Variants in ENTPD6 observed in about 807,000 individuals in gnomAD.
ENTPD6 encodes ectonucleoside triphosphate diphosphohydrolase 6.
Under a neutral mutation model 61.5 loss-of-function variants are expected in ENTPD6, and 46 were observed. The ratio of observed to expected loss-of-function variants is 0.75; its 90% CI spans 0.59 to 0.96. The LOEUF (loss-of-function observed/expected upper bound fraction) is 0.96, where lower values mean the gene tolerates loss of function less well. Among genes scored for constraint, ENTPD6 ranks in the 40% least tolerant of loss-of-function variants. ENTPD6 has a pLI of 0.00. For synonymous variants in ENTPD6, 252 were observed against 255.5 expected (o/e 0.99, Z 0.13); for missense variants, 612 against 629.0 (o/e 0.97, Z 0.29).
At chr20:25,217,709 CCT>C in intron 9 of ENTPD6, 128 bp downstream of exon 9, 2 of 759,932 alleles carry the variant, frequency 2.6e-6, no homozygotes, top group Non-Finnish European at 4.5e-6. Context: ...TCCACCCAGA[CCT>C]CTCTCTCCTC....
In ENTPD6 at chr20:25,199,167, G is replaced by A. The variant is rs534340339; in HGVS notation, c.-16+3300G>A. On this transcript the variant is annotated intron_variant, in intron 1 of 14. Coordinates refer to ENST00000376652, the MANE Select transcript of ENTPD6 (RefSeq NM_001247.5). ...GCTGGTCCCTACTCCTGGAGTAGGC[G>A]TCATCTAACCAGAGCCAGAGGGGCC... Among the ~76,000 whole-genome samples, 28 of 152,248 alleles carry A rather than the reference G, an allele frequency of 1.8e-4. No individual in the cohort carries two copies. The East Asian group carries it at 4.2e-3, about 23-fold the overall frequency.
Position 25,216,698 on chromosome 20 carries a change from G to T in ENTPD6, c.760G>T (p.Gly254Ter). 6.2e-7 allele frequency: 1 copy of T among 1,607,550 alleles called. No individual in the cohort carries two copies. The highest frequency in any genetic ancestry group is 8.5e-7 in the Non-Finnish European group (1 of 1,177,532). Reference protein sequence around the residue: ...GSSVGMLDLGGGSTQIAFLPR... With the variant: ...GSSVGMLDLG ...CAGCGTGGGCATGCTGGACTTGGGC[G>T]GAGGATCCACTCAGATCGCCTTCCT... The change falls in exon 8 of 15, where the codon GGA (glycine) becomes TGA (stop). Residue 254 changes from glycine (G) to a stop codon, truncating the protein, a stop_gained. Transcript: ENST00000376652. LOFTEE classifies it high-confidence loss of function.
chr20:25,213,369 T>C lies in ENTPD6; in HGVS notation c.560T>C (p.Leu187Pro), dbSNP rs2092108869. 1 of 1,613,576 alleles carries C rather than the reference T, an allele frequency of 6.2e-7. No individual in the cohort carries two copies. Among genetic ancestry groups the C allele is most frequent in the Non-Finnish European group, 8.5e-7 (1 of 1,179,732 alleles). Residue 187 changes from leucine (L) to proline (P), a missense_variant, in exon 5 of 15, where the codon CTG (leucine) becomes CCG (proline). Leu to Pro is a moderately conservative substitution (Grantham distance 98). Transcript: ENST00000376652. ...LVLKATAGLRLLPGEKAQKLL... is the reference protein window; with the variant it reads ...LVLKATAGLRPLPGEKAQKLL... ...CTCAAGGCCACAGCTGGCTTACGCC[T>C]GTTACCTGGAGAAAAGGCCCAGAAG... is the stretch of plus-strand genomic sequence containing the variant.
At chr20:25,211,862 G>A (rs151093695) in intron 4 of ENTPD6, among the ~76,000 whole-genome samples, 78 of 152,234 alleles carry the variant, frequency 5.1e-4, no homozygotes, top group African/African-American at 1.8e-3. Context: ...AGGCTGGAGT[G>A]CAGTGGCACA....
chr20:25,204,836 G>T (rs2091331633), intron 1 of ENTPD6, among the ~76,000 whole-genome samples: 1 of 152,162 alleles, frequency 6.6e-6, no homozygotes, highest in South Asian at 2.1e-4. Context: ...ACACCTCAGA[G>T]TTCCTGACAT....
chr20:25,210,164 C>T (rs185457700), intron 4 of ENTPD6, among the ~76,000 whole-genome samples: 90 of 152,384 alleles, frequency 5.9e-4, no homozygotes, highest in African/African-American at 2.1e-3. Flanking sequence ...CTCACTTCTC[C>T]AACGTGGGGG....
chr20:25,206,608 A>G lies in ENTPD6; in HGVS notation c.54+18A>G, dbSNP rs1320217764. The G allele has an allele frequency of 1.3e-6, 2 of 1,587,082 alleles. No homozygotes were observed. The highest frequency in any genetic ancestry group is 1.7e-6 in the Non-Finnish European group (2 of 1,155,208). On this transcript the variant is annotated intron_variant, in intron 2 of 14. Transcript: ENST00000376652. ...TTTTTCAGGTTTGTCTGGGGCTCTCAGTAGTTGCCCAAGGGACGGAGTTTA... is the reference window on the plus strand; with the variant it reads ...TTTTTCAGGTTTGTCTGGGGCTCTCGGTAGTTGCCCAAGGGACGGAGTTTA...
rs6138542 is a variant in ENTPD6 at position 25,227,137 on chromosome 20, C to T, written c.*1540C>T. ...CGAGTGCTTGTGCCTGAAGCCCCCC[C>T]CAACCAACTGTCACAGGAGGACAGG... On this transcript the variant is annotated 3_prime_UTR_variant, in exon 15 of 15. Coordinates refer to ENST00000376652, the MANE Select transcript of ENTPD6 (RefSeq NM_001247.5). Among the ~76,000 whole-genome samples the T allele has an allele frequency of 6.6e-5, 10 of 152,228 alleles. No homozygotes were observed. Among genetic ancestry groups the T allele is most frequent in the African/African-American group, 2.2e-4 (9 of 41,542 alleles).
At chr20:25,225,029 GC>G in intron 13 of ENTPD6, 175 bp from the exon 14 acceptor site, 1 of 995,168 alleles carries the variant, frequency 1.0e-6, no homozygotes, top group Non-Finnish European at 1.4e-6. Flanking sequence ...CGGGGTTGCC[GC>G]CCACCTGCCT....
In ENTPD6 at chr20:25,205,001, G is replaced by A. The variant is rs115425746; in HGVS notation, c.-15-1521G>A. On this transcript the variant is annotated intron_variant, in intron 1 of 14. Transcript: ENST00000376652. ...GGGCCTTTGAGCTTCCTCTTTTGCC[G>A]TCTTGCTGTGTCCTCTCCCTGTTTA... Among the ~76,000 whole-genome samples, 251 of 152,238 alleles carry A rather than the reference G, an allele frequency of 1.6e-3. 2 individuals are homozygous for A. Among genetic ancestry groups the A allele is most frequent in the African/African-American group, 5.8e-3 (241 of 41,534 alleles).
At position 25,222,951 on chromosome 20, in the gene ENTPD6, G is replaced by A. The variant is rs775355841; in HGVS notation, c.1159G>A (p.Asp387Asn). The A allele has an allele frequency of 2.3e-5, 37 of 1,600,136 alleles. No individual in the cohort carries two copies. The Admixed American group carries it at 4.0e-4, about 17-fold the overall frequency. Reference protein sequence around the residue: ...VDFYAFSYYYDLAAGVGLIDA... With the variant: ...VDFYAFSYYYNLAAGVGLIDA... ...CTTCTATGCTTTCTCCTACTATTAC[G>A]ACCTTGCAGCTGGTGTGGGCCTCAT... is the stretch of plus-strand genomic sequence containing the variant. The change falls in exon 12 of 15, where the codon GAC becomes AAC. Residue 387 changes from aspartate to asparagine, a missense_variant. Asp to Asn is a conservative substitution (Grantham distance 23). Coordinates refer to ENST00000376652, the MANE Select transcript of ENTPD6 (RefSeq NM_001247.5).
intron 4 of ENTPD6, among the ~76,000 whole-genome samples, chr20:25,210,845 G>A (rs2091912960): frequency 6.6e-6 from 1 of 152,174 alleles, no homozygotes; most frequent in African/African-American, 2.4e-5. Context: ...AGGAGGCTGA[G>A]GCAGGAGAAT....
chr20:25,217,966 C>T (rs1283509732), intron 9 of ENTPD6, among the ~76,000 whole-genome samples: 2 of 140,960 alleles, frequency 1.4e-5, no homozygotes, highest in Non-Finnish European at 3.0e-5. Flanking sequence ...TTAACCCAGA[C>T]CTCTCTCTCC....
chr20:25,198,880 GT>G (rs1266629283), intron 1 of ENTPD6, among the ~76,000 whole-genome samples: 1 of 152,104 alleles, frequency 6.6e-6, no homozygotes, highest in Non-Finnish European at 1.5e-5. Context: ...TCCCACTGAT[GT>G]CCCGCTGGCA....
chr20:25,209,727 C>T (rs1290337835), intron 3 of ENTPD6, 122 bp from the exon 4 acceptor site: 2 of 772,726 alleles, frequency 2.6e-6, no homozygotes, highest in Non-Finnish European at 4.5e-6. Flanking sequence ...CTGAAGGGCC[C>T]CTGCCACTTG....
chr20:25,196,822 A>G (rs1439803651), intron 1 of ENTPD6, among the ~76,000 whole-genome samples: 3 of 152,052 alleles, frequency 2.0e-5, no homozygotes, highest in East Asian at 1.9e-4. Flanking sequence ...ACAAATCTCA[A>G]AATTGCTTTT....
intron 1 of ENTPD6, among the ~76,000 whole-genome samples, chr20:25,197,629 C>G (rs6050426): frequency 0.57 from 86,616 of 152,022 alleles, 25,479 homozygotes; most frequent in East Asian, 0.91. Flanking sequence ...AATGAAATTG[C>G]TGTTTAGATC....
At chr20:25,215,223 A>C (rs2123051560) in intron 6 of ENTPD6, among the ~76,000 whole-genome samples, 1 of 152,376 alleles carries the variant, frequency 6.6e-6, no homozygotes, top group East Asian at 1.9e-4. Flanking sequence ...TTGTGTTTTT[A>C]GTTTTAAGAA....
intron 4 of ENTPD6, among the ~76,000 whole-genome samples, 157 bp downstream of exon 4, chr20:25,210,082 G>C (rs1020082135): frequency 1.3e-5 from 2 of 152,222 alleles, no homozygotes; most frequent in African/African-American, 2.4e-5. Flanking sequence ...AAGAGAGAAG[G>C]TGTGCAGCGC....
Sources: allele counts gnomAD v4.1 joint callset (sites outside exome capture counted in the v4.1 genomes callset), GRCh38; gene constraint gnomAD v4.1.1; transcripts MANE v1.5; gene names NCBI Gene and HGNC (gene_info 2026-07-23, HGNC 2026-07-21).